NR4A1: variants seen among roughly 807,000 people sequenced by gnomAD.
The protein encoded by NR4A1 is nuclear receptor subfamily 4immunitygroup A member 1.
NR4A1 carries 24 observed loss-of-function variants against 47.5 expected under a neutral mutation model. The ratio of observed to expected loss-of-function variants is 0.50; its 90% CI spans 0.37 to 0.71. The LOEUF is 0.71. Among genes scored for constraint, NR4A1 ranks in the 30% least tolerant of loss-of-function variants. The pLI is 0.00. For synonymous variants in NR4A1, 353 were observed against 345.7 expected, an observed-to-expected ratio of 1.02 and a Z score of -0.24; for missense variants, 669 against 788.6, an observed-to-expected ratio of 0.85 and a Z score of 1.82.
chr12:52,038,417 A>C, intron 1 of NR4A1: 1 of 299,346 alleles, frequency 3.3e-6, no homozygotes, highest in Non-Finnish European at 6.4e-6. Flanking sequence ...GGATGGGAGA[A>C]ATGCTGCAGA....
At chr12:52,035,418 TG>T (rs1938214351) in intron 1 of NR4A1, among the ~76,000 whole-genome samples, 4 of 152,090 alleles carry the variant, frequency 2.6e-5, no homozygotes, top group Admixed American at 6.6e-5. Context: ...TCTAAATAAA[TG>T]TATTTCTCCC....
intron 6 of NR4A1, among the ~76,000 whole-genome samples, 194 bp downstream of exon 6, chr12:52,057,724 C>G (rs1240476841): frequency 6.6e-6 from 1 of 152,258 alleles, no homozygotes. Flanking sequence ...GCATCCAGCT[C>G]TAAAGCGCAA....
At chr12:52,054,178 C>T in intron 1 of NR4A1, 149 bp from the exon 2 acceptor site, 4 of 671,476 alleles carry the variant, frequency 6.0e-6, no homozygotes, top group South Asian at 1.9e-5. Flanking sequence ...GTCAGGATTC[C>T]TGGGTGCTCT....
rs754905461 is a variant in NR4A1, at chr12:52,041,771, G to T, written c.-83-39G>T. ...CTGTCTCCAGGGAATGTGCCTGCTG[G>T]CTGGTTTCTCTTCACTCACATCGAC... On this transcript the variant is annotated intron_variant, in intron 1 of 7. Coordinates refer to the NR4A1 transcript ENST00000360284. The T allele has an allele frequency of 6.3e-6, 8 of 1,272,724 alleles. No homozygotes were observed. The Middle Eastern group carries it at 8.1e-4, about 128-fold the overall frequency. 78.8% of individuals were successfully genotyped at this position (1,272,724 alleles called of 1,614,324 possible). A position where few individuals can be genotyped will look rare whatever the true frequency, so the allele number is the denominator to read the frequency against.
At position 52,059,252 on chromosome 12, in the gene NR4A1, GAAGA is replaced by G. The variant is rs1279404664; in HGVS notation, c.*313_*316del. 3 of 299,640 alleles carry G rather than the reference GAAGA, an allele frequency of 1.0e-5. No homozygotes were observed. Among genetic ancestry groups the G allele is most frequent in the Non-Finnish European group, 1.8e-5 (3 of 163,448 alleles). 18.6% of individuals were successfully genotyped at this position (299,640 alleles called of 1,614,324 possible). ...AAGCCCAGTGCTGCTGTAAATACAG[GAAGA>G]AAGAGCTTGAGGTGGGAGCGGGGCT... On this transcript the variant is annotated 3_prime_UTR_variant, in exon 7 of 7. Coordinates refer to ENST00000394825, the MANE Select transcript of NR4A1 (RefSeq NM_173157.3).
At chr12:52,029,218 T>A (rs1218927243) in intron 1 of NR4A1, among the ~76,000 whole-genome samples, 2 of 152,184 alleles carry the variant, frequency 1.3e-5, no homozygotes, top group Non-Finnish European at 2.9e-5. Context: ...ACACTCCACC[T>A]CTCTCCTTGG....
At chr12:52,054,018 CT>C in intron 1 of NR4A1, 2 of 354,100 alleles carry the variant, frequency 5.6e-6, no homozygotes, top group Non-Finnish European at 1.0e-5. Context: ...CAGCTTCCCC[CT>C]GTTCTAGCAG....
chr12:52,026,151 G>A (rs1937994914), intron 1 of NR4A1, among the ~76,000 whole-genome samples: 1 of 152,256 alleles, frequency 6.6e-6, no homozygotes, highest in South Asian at 2.1e-4. Flanking sequence ...GAGCTGCACT[G>A]CTCGCTCACG....
At chr12:52,036,949 A>G (rs1938254151) in intron 1 of NR4A1, among the ~76,000 whole-genome samples, 1 of 152,176 alleles carries the variant, frequency 6.6e-6, no homozygotes, top group Non-Finnish European at 1.5e-5. Context: ...CCTGAGAACC[A>G]GCTCCCCGGC....
At chr12:52,031,277 C>T (rs191033536) in intron 1 of NR4A1, among the ~76,000 whole-genome samples, 396 of 151,480 alleles carry the variant, frequency 2.6e-3, no homozygotes, top group African/African-American at 9.1e-3. Context: ...CCTCCCATCT[C>T]GGCCTCCCAA....
At chr12:52,051,301 C>A (rs976260299), upstream of NR4A1, 4 of 631,440 alleles carry the variant, frequency 6.3e-6, no homozygotes, top group East Asian at 1.4e-4. Flanking sequence ...CGCACCTCCC[C>A]CTGGCCGCCT....
intron 2 of NR4A1, chr12:52,043,362 A>G (rs1938508712): frequency 5.3e-6 from 1 of 188,716 alleles, no homozygotes; most frequent in African/African-American, 2.4e-5. Flanking sequence ...CTGGGTACAC[A>G]GCAGCCCTGG....
upstream of NR4A1, among the ~76,000 whole-genome samples, chr12:52,048,454 C>A (rs1015017292): frequency 2.4e-4 from 36 of 150,170 alleles, no homozygotes; most frequent in Non-Finnish European, 3.9e-4. Context: ...AATTAGCTGG[C>A]GTGGTGGCAG....
upstream of NR4A1, among the ~76,000 whole-genome samples, chr12:52,049,204 T>C (rs1008171284): frequency 4.6e-5 from 7 of 152,314 alleles, no homozygotes; most frequent in South Asian, 2.1e-4. Context: ...GTTGGCCCTG[T>C]GGAACCTGTA....
intron 2 of NR4A1, chr12:52,055,575 A>T: frequency 2.0e-6 from 1 of 508,704 alleles, no homozygotes; most frequent in Non-Finnish European, 3.5e-6. Flanking sequence ...CTGGCGTGAG[A>T]TGAAAGGATC....
chr12:52,041,203 C>T (rs1168202516), intron 1 of NR4A1, among the ~76,000 whole-genome samples: 1 of 152,146 alleles, frequency 6.6e-6, no homozygotes, highest in African/African-American at 2.4e-5. Flanking sequence ...TTTAAGCCTG[C>T]TGATAAGCCT....
intron 1 of NR4A1, among the ~76,000 whole-genome samples, chr12:52,024,036 G>C (rs530808920): frequency 6.6e-6 from 1 of 152,268 alleles, no homozygotes; most frequent in Non-Finnish European, 1.5e-5. Context: ...GGCTATCTGA[G>C]GGAGAGTCGC....
chr12:52,038,834 A>T, intron 1 of NR4A1: 1 of 721,958 alleles, frequency 1.4e-6, no homozygotes, highest in East Asian at 2.6e-5. Flanking sequence ...GGACTTAAGA[A>T]AGTCAGCTGA....
chr12:52,051,413 C>T (rs1938931650), upstream of NR4A1: 4 of 985,444 alleles, frequency 4.1e-6, no homozygotes, highest in African/African-American at 5.2e-5. Flanking sequence ...TCACGGAGCG[C>T]TTAAGAGGAG....
Sources: allele counts gnomAD v4.1 joint callset (sites outside exome capture counted in the v4.1 genomes callset), GRCh38; gene constraint gnomAD v4.1.1; transcripts MANE v1.5; gene names NCBI Gene and HGNC (gene_info 2026-07-23, HGNC 2026-07-21).